INTS9: variants seen among roughly 807,000 people sequenced by gnomAD.
INTS9 encodes the protein integrator complex subunit 9.
INTS9 carries 55 observed loss-of-function variants against 79.7 expected under a neutral mutation model. The ratio of observed to expected loss-of-function variants is 0.69; its 90% confidence interval spans 0.56 to 0.86. The LOEUF (loss-of-function observed/expected upper bound fraction) is 0.86. Among genes scored for constraint, INTS9 ranks in the 40% least tolerant of loss-of-function variants. INTS9 has a pLI of 0.00. For missense variants in INTS9, 721 were observed against 831.5 expected (o/e 0.87, Z 1.64); for synonymous variants, 319 against 325.2 (o/e 0.98, Z 0.20).
intron 9 of INTS9, among the ~76,000 whole-genome samples, chr8:28,795,546 A>G (rs1804159041): frequency 6.7e-6 from 1 of 150,134 alleles, no homozygotes; most frequent in African/African-American, 2.5e-5. Flanking sequence ...AGGCTGAAGC[A>G]GGAGAATCGC....
chr8:28,812,485 T>C (rs768387090), intron 7 of INTS9, 24 bp from the exon 8 acceptor site: 1 of 1,609,192 alleles, frequency 6.2e-7, no homozygotes, highest in Non-Finnish European at 8.5e-7. Context: ...ACAGTAAGAA[T>C]GTGCAATGAG....
In INTS9 at chr8:28,777,880, G is replaced by A. The variant is rs1160979265; in HGVS notation, c.1344C>T (p.Ile448=). The A allele has an allele frequency of 9.9e-6, 16 of 1,612,620 alleles. No homozygotes were observed. In the East Asian group the frequency reaches 2.5e-4, roughly 25 times the overall value. The change falls in exon 13 of 17, where the codon ATC becomes ATT. Residue 448 remains isoleucine, a synonymous_variant. Transcript: ENST00000521022. ...CCTGGATGAAGTTCAGCCGGGTGTC[G>A]ATGGGGCAGTAGATGCATTTCATGG... is the stretch of plus-strand genomic sequence containing the variant. The part of the protein sequence containing the change: ...PLAMKCIYCP[I]DTRLNFIQVS...
chr8:28,793,584 G>GT, intron 10 of INTS9: 1 of 433,618 alleles, frequency 2.3e-6, no homozygotes, highest in Non-Finnish European at 4.1e-6. Flanking sequence ...CTGGGCTAAG[G>GT]TAAGTCTCTG....
chr8:28,850,130 C>A, intron 3 of INTS9, 83 bp downstream of exon 3: 3 of 1,031,152 alleles, frequency 2.9e-6, no homozygotes, highest in Non-Finnish European at 4.4e-6. Context: ...CCATCAGTCA[C>A]ACTACTACAG....
chr8:28,816,297 TC>T (rs1335527682), intron 6 of INTS9, among the ~76,000 whole-genome samples: 2 of 76,212 alleles, frequency 2.6e-5, no homozygotes, highest in East Asian at 4.3e-4. Context: ...AAGCTGTCCC[TC>T]CCCCCTCCCC....
At chr8:28,850,178 G>T in intron 3 of INTS9, 35 bp downstream of exon 3, 1 of 1,563,802 alleles carries the variant, frequency 6.4e-7, no homozygotes, top group Non-Finnish European at 8.8e-7. Context: ...TCCACTGGCT[G>T]TAGATAGGCT....
intron 9 of INTS9, 40 bp from the exon 10 acceptor site, chr8:28,794,027 A>G: frequency 6.9e-7 from 1 of 1,450,294 alleles, no homozygotes; most frequent in South Asian, 1.4e-5. Flanking sequence ...ACATCATATC[A>G]AAAGGGCAGT....
At chr8:28,858,707 G>A (rs1261333727) in intron 2 of INTS9, among the ~76,000 whole-genome samples, 4 of 152,128 alleles carry the variant, frequency 2.6e-5, no homozygotes, top group African/African-American at 4.8e-5. Context: ...ATGTCTTCAG[G>A]AATGACTGAG....
chr8:28,796,926 A>G (rs1216078529), intron 8 of INTS9: 1 of 328,442 alleles, frequency 3.0e-6, no homozygotes, highest in Non-Finnish European at 5.7e-6. Flanking sequence ...AGTATTACAC[A>G]TTTAAGATCT....
At chr8:28,818,903 T>G (rs1585409199) in intron 6 of INTS9, among the ~76,000 whole-genome samples, 1 of 152,054 alleles carries the variant, frequency 6.6e-6, no homozygotes, top group East Asian at 1.9e-4. Flanking sequence ...GTCGAGGAAT[T>G]TATCCATTTC....
chr8:28,792,727 G>A (rs1803985592), intron 10 of INTS9, among the ~76,000 whole-genome samples: 2 of 152,134 alleles, frequency 1.3e-5, no homozygotes, highest in Admixed American at 6.5e-5. Context: ...CAGCTGACCA[G>A]CATGGTGAAA....
chr8:28,851,984 C>A (rs999258491), intron 2 of INTS9, among the ~76,000 whole-genome samples: 1 of 151,976 alleles, frequency 6.6e-6, no homozygotes. Flanking sequence ...TTTGGGAGGC[C>A]AAGGTGGGAG....
At chr8:28,868,840 T>G (rs143779981) in intron 1 of INTS9, among the ~76,000 whole-genome samples, 1 of 152,170 alleles carries the variant, frequency 6.6e-6, no homozygotes, top group East Asian at 1.9e-4. Flanking sequence ...CGGTGGCTCA[T>G]GGCTGTAATC....
Position 28,812,389 on chromosome 8 carries a change from G to C in INTS9, c.682C>G (p.Gln228Glu), listed in dbSNP as rs770358830. ...YALGSSNWII[Q>E]SHYEKVSYVS... ...TAAGACACTTTCTCGTAATGAGACTGGATGATCCAGTTGGAGCTCCCAAGG... is the reference window on the plus strand; with the variant it reads ...TAAGACACTTTCTCGTAATGAGACTCGATGATCCAGTTGGAGCTCCCAAGG... Residue 228 changes from glutamine (Q) to glutamate (E), a missense_variant, in exon 8 of 17, where the codon CAG (glutamine) becomes GAG (glutamate). By Grantham distance (29) the Gln-to-Glu change is conservative. Around this residue, in one of 3 missense-constraint regions of INTS9, gnomAD observed 291 missense variants for 307.0 expected, o/e 0.95. Transcript: ENST00000521022. 7 of 1,613,834 alleles carry C rather than the reference G, an allele frequency of 4.3e-6. No homozygotes were observed. In the East Asian group the frequency reaches 1.6e-4, roughly 36 times the overall value.
chr8:28,811,517 G>A (rs766803636), intron 8 of INTS9, among the ~76,000 whole-genome samples: 3 of 151,760 alleles, frequency 2.0e-5, no homozygotes, highest in Non-Finnish European at 4.4e-5. Flanking sequence ...CGCTTCCCAG[G>A]CTCAAGCGAT....
intron 6 of INTS9, among the ~76,000 whole-genome samples, chr8:28,819,724 C>T (rs1184870242): frequency 2.6e-5 from 4 of 152,062 alleles, no homozygotes; most frequent in East Asian, 3.8e-4. Flanking sequence ...CTTTCTGTCT[C>T]GTTGATCTGT....
intron 6 of INTS9, among the ~76,000 whole-genome samples, chr8:28,828,532 C>G (rs1224102038): frequency 6.6e-6 from 1 of 152,098 alleles, no homozygotes; most frequent in Non-Finnish European, 1.5e-5. Flanking sequence ...AAATAAGTTG[C>G]CACAACTACC....
chr8:28,843,245 T>G (rs1295749599), intron 4 of INTS9, among the ~76,000 whole-genome samples: 2 of 152,206 alleles, frequency 1.3e-5, no homozygotes, highest in Admixed American at 1.3e-4. Flanking sequence ...AAGGCAGTCC[T>G]GATAAAAAAA....
intron 6 of INTS9, among the ~76,000 whole-genome samples, chr8:28,817,294 C>G (rs1193913975): frequency 6.6e-6 from 1 of 152,014 alleles, no homozygotes; most frequent in Non-Finnish European, 1.5e-5. Context: ...TTAGGTCTAA[C>G]GTTTAAGTCT....
Sources: allele counts gnomAD v4.1 joint callset (sites outside exome capture counted in the v4.1 genomes callset), GRCh38; gene constraint gnomAD v4.1.1; regional missense constraint gnomAD v4.1.1; transcripts MANE v1.5; gene names NCBI Gene and HGNC (gene_info 2026-07-23, HGNC 2026-07-21).